RBFOX1: variants seen among roughly 807,000 people sequenced by gnomAD.
RBFOX1 encodes RNA binding protein fox-1 homolog 1.
A neutral mutation model predicts 57.7 loss-of-function variants in RBFOX1; 8 were observed. The ratio of observed to expected loss-of-function variants is 0.14; its 90% CI spans 0.08 to 0.25. The LOEUF is 0.25. Among genes scored for constraint, RBFOX1 ranks in the 10% least tolerant of loss-of-function variants. The pLI is 1.00. For missense variants in RBFOX1, 611 were observed against 548.5 expected, an observed-to-expected ratio of 1.11 and a Z score of -1.14; for synonymous variants, 326 against 222.4, an observed-to-expected ratio of 1.47 and a Z score of -4.15.
At chr16:7,627,636 A>G (rs1305208108) in intron 10 of RBFOX1, among the ~76,000 whole-genome samples, 1 of 152,200 alleles carries the variant, frequency 6.6e-6, no homozygotes, top group African/African-American at 2.4e-5. Flanking sequence ...CCCTCTCCAT[A>G]CTGCTGCTTG....
chr16:6,764,910 C>G (rs1475045492), intron 3 of RBFOX1, among the ~76,000 whole-genome samples: 3 of 151,958 alleles, frequency 2.0e-5, no homozygotes, highest in East Asian at 3.9e-4. Flanking sequence ...GCACTCCAAC[C>G]TGGATGACAG....
At chr16:7,528,440 C>T (rs1234707454) in intron 5 of RBFOX1, among the ~76,000 whole-genome samples, 1 of 152,168 alleles carries the variant, frequency 6.6e-6, no homozygotes, top group East Asian at 1.9e-4. Context: ...ACCTAATTCC[C>T]TCTGCATAGC....
rs569431146 is a variant in RBFOX1, at chr16:5,749,333, A to G, written c.319-117970A>G. 5.9e-5 allele frequency among the ~76,000 whole-genome samples: 9 copies of G among 152,060 alleles called. No homozygotes were observed. In the East Asian group the frequency reaches 9.7e-4, roughly 16 times the overall value. On this transcript the variant is annotated intron_variant, in intron 3 of 19. Coordinates refer to the RBFOX1 transcript ENST00000641259. ...CATTTCAACTTCGGTGAATCTGACA[A>G]TTTATTTGTCTTGGAGTTGCTCTTC...
At chr16:6,054,129 C>G (rs751510031) in intron 1 of RBFOX1, among the ~76,000 whole-genome samples, 4 of 152,110 alleles carry the variant, frequency 2.6e-5, no homozygotes, top group Admixed American at 6.5e-5. Context: ...AGGAAACTGT[C>G]AGTTTGAAGC....
At chr16:7,474,395 C>T (rs535042574) in intron 4 of RBFOX1, among the ~76,000 whole-genome samples, 1 of 152,310 alleles carries the variant, frequency 6.6e-6, no homozygotes, top group South Asian at 2.1e-4. Context: ...CAGTGCACTT[C>T]ACCTTCACTG....
At chr16:7,665,981 T>C (rs762645699) in intron 13 of RBFOX1, among the ~76,000 whole-genome samples, 8 of 152,228 alleles carry the variant, frequency 5.3e-5, no homozygotes, top group Non-Finnish European at 1.0e-4. Flanking sequence ...CAAGTATACT[T>C]ACTATAATCT....
chr16:6,084,859 C>G (rs1448257712), intron 1 of RBFOX1, among the ~76,000 whole-genome samples: 2 of 152,102 alleles, frequency 1.3e-5, no homozygotes, highest in African/African-American at 4.8e-5. Context: ...TGACCTTGAG[C>G]TATCTATTTG....
chr16:7,599,323 A>G (rs1435402414), intron 9 of RBFOX1, among the ~76,000 whole-genome samples: 2 of 152,266 alleles, frequency 1.3e-5, no homozygotes, highest in African/African-American at 2.4e-5. Context: ...ACATATGACT[A>G]GCTGCTCATG....
At chr16:7,599,914 G>A (rs991918370) in intron 9 of RBFOX1, among the ~76,000 whole-genome samples, 1 of 151,846 alleles carries the variant, frequency 6.6e-6, no homozygotes, top group African/African-American at 2.4e-5. Flanking sequence ...TAAGATTACA[G>A]GCATGAGCCA....
intron 4 of RBFOX1, among the ~76,000 whole-genome samples, chr16:7,372,924 CAT>C (rs905495584): frequency 7.0e-6 from 1 of 143,182 alleles, no homozygotes; most frequent in African/African-American, 2.6e-5. Context: ...AATTTAAAAA[CAT>C]AGAAATTGCA....
At chr16:6,537,463 A>G (rs1461054290) in intron 2 of RBFOX1, among the ~76,000 whole-genome samples, 1 of 152,232 alleles carries the variant, frequency 6.6e-6, no homozygotes, top group East Asian at 1.9e-4. Flanking sequence ...AGATAGACAC[A>G]GTGCTTATCT....
intron 2 of RBFOX1, among the ~76,000 whole-genome samples, chr16:6,527,915 C>A (rs1212426264): frequency 1.3e-5 from 2 of 151,804 alleles, no homozygotes; most frequent in Admixed American, 1.3e-4. Flanking sequence ...CATGCTTTAT[C>A]CACTTTCTTC....
intron 3 of RBFOX1, among the ~76,000 whole-genome samples, chr16:6,834,752 C>T (rs1456104688): frequency 6.6e-6 from 1 of 152,136 alleles, no homozygotes; most frequent in African/African-American, 2.4e-5. Flanking sequence ...GCTCGTGAGA[C>T]AGTTGCATTT....
At chr16:5,494,040 T>C (rs2151678353) in intron 2 of RBFOX1, among the ~76,000 whole-genome samples, 1 of 152,336 alleles carries the variant, frequency 6.6e-6, no homozygotes, top group South Asian at 2.1e-4. Flanking sequence ...GATTTACTTC[T>C]TAATGGAGCA....
At chr16:7,421,929 T>C (rs2098546578) in intron 4 of RBFOX1, among the ~76,000 whole-genome samples, 1 of 152,210 alleles carries the variant, frequency 6.6e-6, no homozygotes, top group African/African-American at 2.4e-5. Flanking sequence ...GTACACACAT[T>C]ATTTTATGTC....
chr16:5,856,187 C>CTCTATATATATATATA (rs1430331422), intron 3 of RBFOX1, among the ~76,000 whole-genome samples: 1 of 31,064 alleles, frequency 3.2e-5, no homozygotes, highest in Non-Finnish European at 5.6e-5. Flanking sequence ...CTCTCTCTCT[C>CTCTATATATATATATA]TATATATATA....
intron 1 of RBFOX1, among the ~76,000 whole-genome samples, chr16:5,433,002 T>C (rs545743599): frequency 1.3e-5 from 2 of 152,164 alleles, no homozygotes; most frequent in South Asian, 4.2e-4. Context: ...GCCAGGGTGG[T>C]CTCAAACTCC....
At chr16:7,401,461 C>T (rs1433278768) in intron 4 of RBFOX1, among the ~76,000 whole-genome samples, 1 of 152,050 alleles carries the variant, frequency 6.6e-6, no homozygotes, top group East Asian at 1.9e-4. Flanking sequence ...GGATCGATAG[C>T]TAGATGGCTA....
At chr16:5,877,839 G>T (rs2057653732) in intron 4 of RBFOX1, among the ~76,000 whole-genome samples, 1 of 152,238 alleles carries the variant, frequency 6.6e-6, no homozygotes, top group Non-Finnish European at 1.5e-5. Flanking sequence ...GGCAAGGGCA[G>T]TAAGTCCTGG....
Sources: gnomAD v4.1 joint callset for allele counts (sites outside exome capture counted in the v4.1 genomes callset) on GRCh38, gnomAD v4.1.1 for gene constraint, MANE v1.5 for transcripts, NCBI Gene and HGNC (gene_info 2026-07-23, HGNC 2026-07-21) for gene names.